Variants in PLEKHA7 observed in about 807,000 individuals in gnomAD.
PLEKHA7 encodes pleckstrin homology domain-containing family A member 7.
PLEKHA7 carries 104 observed loss-of-function variants against 170.0 expected under a neutral mutation model. The ratio of observed to expected loss-of-function variants is 0.61; its 90% CI spans 0.52 to 0.72. PLEKHA7 has a LOEUF of 0.72. PLEKHA7 is among the 30% of genes least tolerant of loss of function. The probability of loss-of-function intolerance (pLI) is 0.00; values close to 1 mark genes in which losing one functional copy is unlikely to be tolerated. For missense variants in PLEKHA7, 1,615 were observed against 1,671.7 expected (o/e 0.97, Z 0.59); for synonymous variants, 648 against 660.8 (o/e 0.98, Z 0.30).
intron 3 of PLEKHA7, among the ~76,000 whole-genome samples, chr11:16,926,263 C>T (rs1163116283): frequency 2.0e-5 from 3 of 152,200 alleles, no homozygotes; most frequent in Non-Finnish European, 4.4e-5. Context: ...TGGCTTGTCT[C>T]TGCCCTCGCA....
Position 16,846,841 on chromosome 11 carries a change from C to G in PLEKHA7, c.696+4350G>C, listed in dbSNP as rs139202108. ...AATTACACTTAATGCTCCCTGTGGT[C>G]TCTGTCTACAGAATGGGACTAGCAG... On this transcript the variant is annotated intron_variant, in intron 8 of 26. Transcript: ENST00000531066. Among the ~76,000 whole-genome samples the G allele has an allele frequency of 2.0e-5, 3 of 152,302 alleles. No homozygotes were observed. The East Asian group carries it at 5.8e-4, about 29-fold the overall frequency.
chr11:16,797,815 C>T (rs560944687), intron 17 of PLEKHA7, among the ~76,000 whole-genome samples: 34 of 152,300 alleles, frequency 2.2e-4, no homozygotes, highest in Non-Finnish European at 2.8e-4. Context: ...CTCCATAGCT[C>T]CCTGGCAAAG....
chr11:16,849,497 T>G lies in PLEKHA7; in HGVS notation c.696+1694A>C, dbSNP rs757585169. 1.1e-3 allele frequency among the ~76,000 whole-genome samples: 162 copies of G among 152,348 alleles called. 1 individual carries two copies. The highest frequency in any genetic ancestry group is 2.0e-3 in the Non-Finnish European group (138 of 68,028). ...GTTTTCAGAGTCAGGAATAAGTTTC[T>G]AAAATGATACAATTAATGTCAATTC... On this transcript the variant is annotated intron_variant, in intron 8 of 26. Transcript: ENST00000531066.
chr11:16,876,131 G>A (rs1459023332), intron 3 of PLEKHA7, among the ~76,000 whole-genome samples: 2 of 152,210 alleles, frequency 1.3e-5, no homozygotes, highest in African/African-American at 4.8e-5. Context: ...AAAGCCCTCA[G>A]TCAGCTCCAT....
In PLEKHA7 at chr11:16,835,258, G is replaced by A. The variant is rs143122063; in HGVS notation, c.872+6289C>T. Reference sequence around the variant, plus strand: ...CGCACTCCAGCCTGGGTGACAGAGCGAGATTTTGTCTCAAATAAAAAAGTG... The same window carrying A: ...CGCACTCCAGCCTGGGTGACAGAGCAAGATTTTGTCTCAAATAAAAAAGTG... On this transcript the variant is annotated intron_variant, in intron 9 of 26. Transcript: ENST00000531066. 3.6e-3 allele frequency among the ~76,000 whole-genome samples: 552 copies of A among 152,050 alleles called. 3 individuals carry two copies. The highest frequency in any genetic ancestry group is 0.013 in the African/African-American group (520 of 41,552).
At chr11:16,855,630 G>A (rs893632580) in intron 5 of PLEKHA7, 173 bp downstream of exon 5, 1 of 609,896 alleles carries the variant, frequency 1.6e-6, no homozygotes, top group Non-Finnish European at 2.9e-6. Flanking sequence ...TGTTCTGCTG[G>A]ACAAGGGACA....
chr11:16,813,212 A>G (rs773143503), intron 12 of PLEKHA7, 46 bp from the exon 13 acceptor site: 6 of 1,527,022 alleles, frequency 3.9e-6, no homozygotes, highest in Admixed American at 1.7e-5. Context: ...GAACACCAAG[A>G]GTTTCCATAA....
chr11:17,004,522 A>T (rs2137069572), intron 3 of PLEKHA7, among the ~76,000 whole-genome samples: 1 of 151,848 alleles, frequency 6.6e-6, no homozygotes, highest in South Asian at 2.1e-4. Context: ...CCTCCCGAGT[A>T]GCTGGGATTA....
intron 3 of PLEKHA7, among the ~76,000 whole-genome samples, chr11:16,954,648 A>G (rs1305529435): frequency 6.6e-6 from 1 of 152,114 alleles, no homozygotes; most frequent in Non-Finnish European, 1.5e-5. Flanking sequence ...ATAAAACAAC[A>G]AGAAAGTTAA....
intron 23 of PLEKHA7, chr11:16,787,119 C>G (rs768015357): frequency 1.0e-6 from 1 of 985,438 alleles, no homozygotes; most frequent in Non-Finnish European, 1.2e-6. Context: ...CCGATAAGAT[C>G]CAACCATGAC....
chr11:16,785,077 ACTGTACAGGCAT>A (rs1222769479), intron 24 of PLEKHA7, among the ~76,000 whole-genome samples: 2 of 152,160 alleles, frequency 1.3e-5, no homozygotes, highest in African/African-American at 4.8e-5. Flanking sequence ...AAACTCAACA[ACTGTACAGGCAT>A]CTATCTTATC....
At chr11:16,808,826 C>T (rs1286518533) in intron 13 of PLEKHA7, among the ~76,000 whole-genome samples, 1 of 152,156 alleles carries the variant, frequency 6.6e-6, no homozygotes. Context: ...AACTTCAATG[C>T]CAAGAATACA....
In PLEKHA7 at chr11:16,789,384, G is replaced by GTC. The variant is rs1590122500; in HGVS notation, c.3157-90_3157-89dup. 2.3e-6 allele frequency: 3 copies of GTC among 1,283,140 alleles called. No individual in the cohort carries two copies. In the South Asian group the frequency reaches 3.7e-5, roughly 16 times the overall value. The allele number at this position is 1,283,140 out of a possible 1,614,324, so 79.5% of individuals were successfully genotyped here. A position where few individuals can be genotyped will look rare whatever the true frequency, so the allele number is the denominator to read the frequency against. ...CCACCCTGCTGGCTGCATTCCCGTT[G>GTC]TCTCTCTCTCACACACATGCACACT... On this transcript the variant is annotated intron_variant, in intron 22 of 26. Transcript: ENST00000531066. The surrounding 1 kb of genome is among the most constrained non-coding windows in gnomAD (Gnocchi z 4.6).
At chr11:16,830,395 T>A (rs887143149) in intron 9 of PLEKHA7, among the ~76,000 whole-genome samples, 1 of 152,194 alleles carries the variant, frequency 6.6e-6, no homozygotes, top group African/African-American at 2.4e-5. Flanking sequence ...CCTGGCCAAG[T>A]CGCTGAAGAT....
In PLEKHA7 at chr11:16,936,121, G is replaced by T. The variant is rs531202617; in HGVS notation, c.222-64939C>A. Reference sequence around the variant, plus strand: ...ACCCCTTTTGAAAAATCAGGTCTCTGCAGGGCACAGTGGCTCATGCCTGTA... The same window carrying T: ...ACCCCTTTTGAAAAATCAGGTCTCTTCAGGGCACAGTGGCTCATGCCTGTA... On this transcript the variant is annotated intron_variant, in intron 3 of 26. Coordinates refer to ENST00000531066, the MANE Select transcript of PLEKHA7 (RefSeq NM_001329630.2). Among the ~76,000 whole-genome samples the T allele has an allele frequency of 6.7e-3, 1,022 of 152,122 alleles. 12 individuals are homozygous for T. The highest frequency in any genetic ancestry group is 0.024 in the African/African-American group (978 of 41,516).
intron 3 of PLEKHA7, among the ~76,000 whole-genome samples, chr11:16,934,078 A>T (rs1860123349): frequency 6.6e-6 from 1 of 152,200 alleles, no homozygotes; most frequent in Non-Finnish European, 1.5e-5. Context: ...GGCTGGAGAC[A>T]GGAGACGTGG....
rs7103878 is a variant in PLEKHA7, at chr11:16,818,493, C to G, written c.1344-1171G>C. ...TAGGATGCTGGCTCATGCCTTCCCC[C>G]ACGTGGACCTTCTGTAGTGCCACAG... On this transcript the variant is annotated intron_variant, in intron 10 of 26. Transcript: ENST00000531066. Among the ~76,000 whole-genome samples the G allele has an allele frequency of 4.6e-5, 7 of 152,344 alleles. No homozygotes were observed. In the East Asian group the frequency reaches 1.2e-3, roughly 25 times the overall value.
chr11:16,873,253 C>T lies in PLEKHA7; in HGVS notation c.222-2071G>A, dbSNP rs188282951. Among the ~76,000 whole-genome samples the T allele has an allele frequency of 2.2e-4, 34 of 152,314 alleles. No homozygotes were observed. In the East Asian group the frequency reaches 6.4e-3, roughly 29 times the overall value. ...GCACAAAGGTTATAAAAGAAAAACTCTCTAGGCCTACAAAGTCTTTTTTTA... is the reference window on the plus strand; with the variant it reads ...GCACAAAGGTTATAAAAGAAAAACTTTCTAGGCCTACAAAGTCTTTTTTTA... On this transcript the variant is annotated intron_variant, in intron 3 of 26. Transcript: ENST00000531066.
intron 3 of PLEKHA7, among the ~76,000 whole-genome samples, chr11:16,990,287 A>AAAAAAAAAACC (rs1863964497): frequency 1.8e-5 from 2 of 111,280 alleles, no homozygotes; most frequent in East Asian, 3.4e-4. Context: ...AAAAAAAAAA[A>AAAAAAAAAACC]AAAAAAAAAA....
Sources: gnomAD v4.1 joint callset for allele counts (sites outside exome capture counted in the v4.1 genomes callset) on GRCh38, gnomAD v4.1.1 for gene constraint, Gnocchi (gnomAD v3.1) non-coding constraint, MANE v1.5 for transcripts, NCBI Gene and HGNC (gene_info 2026-07-23, HGNC 2026-07-21) for gene names.